TNNI3K: variants seen among roughly 807,000 people sequenced by gnomAD.
TNNI3K encodes the protein serine/threonine-protein kinase TNNI3K.
TNNI3K carries 140 observed loss-of-function variants against 114.5 expected under a neutral mutation model. That is an observed-to-expected ratio of 1.22 (90% CI 1.07 to 1.41). TNNI3K has a LOEUF of 1.41. Among genes scored for constraint, TNNI3K ranks in the 40% most tolerant of loss-of-function variants. TNNI3K has a pLI of 0.00. For synonymous variants in TNNI3K, 347 were observed against 347.5 expected, an observed-to-expected ratio of 1.00 and a Z score of 0.02; for missense variants, 1,125 against 1,007.6, an observed-to-expected ratio of 1.12 and a Z score of -1.58.
chr1:74,303,192 A>C (rs2100328109), intron 5 of TNNI3K, among the ~76,000 whole-genome samples: 1 of 152,002 alleles, frequency 6.6e-6, no homozygotes, highest in African/African-American at 2.4e-5. Flanking sequence ...CTGAATTATT[A>C]TTATTATTAT....
chr1:74,486,572 A>G (rs1668780746), intron 21 of TNNI3K, among the ~76,000 whole-genome samples: 1 of 148,998 alleles, frequency 6.7e-6, no homozygotes, highest in Non-Finnish European at 1.5e-5. Context: ...GGGAAAGGCT[A>G]TAAATATAAT....
intron 4 of TNNI3K, among the ~76,000 whole-genome samples, chr1:74,257,663 CT>C (rs66853287): frequency 0.028 from 2,480 of 87,122 alleles, 23 homozygotes; most frequent in African/African-American, 0.12. Flanking sequence ...TGGCTTACCT[CT>C]TTTTTTTTTT....
Position 74,463,446 on chromosome 1 carries a change from G to C in TNNI3K, c.2017G>C (p.Ala673Pro). Reference sequence around the variant, plus strand: ...CATGACCATTTGGTTTGCAGCGGCTGCGGCAGCAGACATGGCTTACCACCA... The same window carrying C: ...CATGACCATTTGGTTTGCAGCGGCTCCGGCAGCAGACATGGCTTACCACCA... ...IPFAHLKPAA[A>P]AADMAYHHIR... Residue 673 changes from alanine (A) to proline (P), a missense_variant, in exon 21 of 25, where the codon GCG becomes CCG. By Grantham distance (27) the Ala-to-Pro change is conservative. Coordinates refer to ENST00000326637, the MANE Select transcript of TNNI3K (RefSeq NM_015978.3). The C allele has an allele frequency of 6.2e-7, 1 of 1,614,176 alleles. No individual in the cohort carries two copies. The highest frequency in any genetic ancestry group is 8.5e-7 in the Non-Finnish European group (1 of 1,180,022).
At chr1:74,430,324 G>A (rs1665833669) in intron 17 of TNNI3K, among the ~76,000 whole-genome samples, 1 of 152,178 alleles carries the variant, frequency 6.6e-6, no homozygotes, top group East Asian at 1.9e-4. Context: ...CTTACATAAT[G>A]ACTTCATTAA....
chr1:74,313,399 G>A (rs1284558967), intron 5 of TNNI3K, among the ~76,000 whole-genome samples: 1 of 152,186 alleles, frequency 6.6e-6, no homozygotes, highest in African/African-American at 2.4e-5. Flanking sequence ...GATAATTACA[G>A]GTTGACACAG....
At chr1:74,515,412 A>G (rs1025294623) in intron 23 of TNNI3K, among the ~76,000 whole-genome samples, 5 of 152,202 alleles carry the variant, frequency 3.3e-5, no homozygotes, top group Admixed American at 2.6e-4. Context: ...CAGAAAATAA[A>G]TATATGGTTA....
chr1:74,392,066 C>T (rs149608691), intron 17 of TNNI3K, among the ~76,000 whole-genome samples: 3 of 149,244 alleles, frequency 2.0e-5, no homozygotes, highest in South Asian at 2.1e-4. Context: ...CCCGGGTTCA[C>T]GCCATTCTCC....
At chr1:74,436,155 C>A (rs765748446) in intron 18 of TNNI3K, 23 bp downstream of exon 18, 2 of 1,610,318 alleles carry the variant, frequency 1.2e-6, no homozygotes, top group Admixed American at 1.7e-5. Context: ...AAAATGGCAT[C>A]CTTTTTTTCT....
At chr1:74,312,264 A>T (rs1659036300) in intron 5 of TNNI3K, among the ~76,000 whole-genome samples, 1 of 152,226 alleles carries the variant, frequency 6.6e-6, no homozygotes, top group Non-Finnish European at 1.5e-5. Flanking sequence ...TGTTAAAAGC[A>T]GTCACCTGCC....
chr1:74,351,836 C>T (rs1005991682), intron 9 of TNNI3K, among the ~76,000 whole-genome samples: 19 of 152,132 alleles, frequency 1.2e-4, no homozygotes, highest in Admixed American at 2.0e-4. Flanking sequence ...TTAAGGACTT[C>T]TCTGCATTGA....
intron 6 of TNNI3K, among the ~76,000 whole-genome samples, chr1:74,332,026 A>T (rs1413672549): frequency 6.6e-6 from 1 of 152,184 alleles, no homozygotes; most frequent in Non-Finnish European, 1.5e-5. Context: ...CTCTATAAAA[A>T]CAATTACTAA....
intron 17 of TNNI3K, among the ~76,000 whole-genome samples, chr1:74,404,443 C>G (rs17095262): frequency 0.027 from 4,162 of 152,256 alleles, 182 homozygotes; most frequent in African/African-American, 0.096. Context: ...AAATATTTGA[C>G]TGTGCTTGCT....
At chr1:74,475,215 T>A in intron 21 of TNNI3K, 1 of 607,208 alleles carries the variant, frequency 1.6e-6, no homozygotes, top group South Asian at 2.1e-5. Context: ...TATTTCCTGT[T>A]GAGGAAATTA....
chr1:74,511,781 A>G (rs1670240391), intron 23 of TNNI3K, among the ~76,000 whole-genome samples: 1 of 151,942 alleles, frequency 6.6e-6, no homozygotes, highest in Admixed American at 6.6e-5. Flanking sequence ...ATCCCGTTTC[A>G]CTTGAGTTTG....
intron 17 of TNNI3K, among the ~76,000 whole-genome samples, chr1:74,413,369 T>G (rs1172985109): frequency 6.6e-6 from 1 of 152,188 alleles, no homozygotes; most frequent in Non-Finnish European, 1.5e-5. Context: ...ACATTGCACT[T>G]TACAAAGAAC....
chr1:74,281,741 CAT>C lies in TNNI3K; in HGVS notation c.444+10036_444+10037del, dbSNP rs1457380827. Among the ~76,000 whole-genome samples the C allele has an allele frequency of 4.6e-5, 7 of 152,032 alleles. No homozygotes were observed. The East Asian group carries it at 1.4e-3, about 30-fold the overall frequency. ...TATCCTATAAACACACTATATAAAA[CAT>C]ATTAAAAATCAAGAAACATTGGTTC... is the stretch of plus-strand genomic sequence containing the variant. On this transcript the variant is annotated intron_variant, in intron 5 of 24. Coordinates refer to ENST00000326637, the MANE Select transcript of TNNI3K (RefSeq NM_015978.3).
chr1:74,367,875 A>T lies in TNNI3K; in HGVS notation c.1265-33A>T, dbSNP rs757509527. The T allele has an allele frequency of 9.1e-6, 14 of 1,543,020 alleles. No homozygotes were observed. The East Asian group carries it at 3.1e-4, about 34-fold the overall frequency. On this transcript the variant is annotated intron_variant, in intron 12 of 24. Coordinates refer to ENST00000326637, the MANE Select transcript of TNNI3K (RefSeq NM_015978.3). ...TTTTATGTAGAAAAAAATGATCGCT[A>T]CTTTCAACTCTATTATATAATTTAA...
At chr1:74,336,875 TG>T in intron 7 of TNNI3K, among the ~76,000 whole-genome samples, 1 of 152,284 alleles carries the variant, frequency 6.6e-6, no homozygotes, top group South Asian at 2.1e-4. Flanking sequence ...CAGTAATGGA[TG>T]GCTGGGTCAA....
At chr1:74,291,342 C>T (rs1245754424) in intron 5 of TNNI3K, among the ~76,000 whole-genome samples, 1 of 151,382 alleles carries the variant, frequency 6.6e-6, no homozygotes, top group Non-Finnish European at 1.5e-5. Context: ...TTTATTGTGA[C>T]TTCTTTGTGA....
Sources: gnomAD v4.1 joint callset for allele counts (sites outside exome capture counted in the v4.1 genomes callset) on GRCh38, gnomAD v4.1.1 for gene constraint, MANE v1.5 for transcripts, NCBI Gene and HGNC (gene_info 2026-07-23, HGNC 2026-07-21) for gene names.